Variants in LETMD1 observed in about 807,000 individuals in gnomAD.
LETMD1 encodes LETM1 domain containing 1, also known as LETM1 domain-containing protein 1.
A neutral mutation model predicts 43.9 loss-of-function variants in LETMD1; 30 were observed. That is an observed-to-expected ratio of 0.68 (90% CI 0.51 to 0.93). The LOEUF (loss-of-function observed/expected upper bound fraction) is 0.93. Among genes scored for constraint, LETMD1 ranks in the 40% least tolerant of loss-of-function variants. The probability of loss-of-function intolerance (pLI) is 0.00; values close to 1 mark genes in which losing one functional copy is unlikely to be tolerated. For synonymous variants in LETMD1, 176 were observed against 163.1 expected (o/e 1.08, Z -0.60); for missense variants, 413 against 447.7 (o/e 0.92, Z 0.70).
At chr12:51,067,630 G>C in the LETMD1 span, 2 of 1,581,866 alleles carry the variant, frequency 1.3e-6, no homozygotes, top group Non-Finnish European at 1.7e-6. This position sits in a 1 kb window ranked among gnomAD's most constrained non-coding sequence, Gnocchi z 4.1. Flanking sequence ...TCACCCCGCT[G>C]ACCCTGGTGT....
chr12:51,063,798 T>C, downstream of LETMD1: 1 of 1,600,700 alleles, frequency 6.2e-7, no homozygotes, highest in Non-Finnish European at 8.5e-7. Flanking sequence ...CCGATCCTCA[T>C]TCTGCTGGGA....
the LETMD1 span, among the ~76,000 whole-genome samples, chr12:51,065,615 G>A: frequency 6.6e-5 from 10 of 151,882 alleles, no homozygotes; most frequent in South Asian, 2.1e-4. Context: ...GAGCCACCGC[G>A]CCCGGCCCTA....
In LETMD1 at chr12:51,055,974, A is replaced by T. The variant is rs754414067; in HGVS notation, c.613A>T (p.Ile205Phe). The change falls in exon 5 of 9, where the codon ATT becomes TTT. Residue 205 changes from isoleucine to phenylalanine, a missense_variant. Transcript: ENST00000262055. ...ISYLEKVIPL[I>F]SDAGLRWRLT... ...TTATTTAGAAAAGGTCATCCCTCTC[A>T]TTTCTGATGCAGGACTCCGGTGGCG... The T allele has an allele frequency of 2.5e-6, 4 of 1,614,136 alleles. No homozygotes were observed. In the Admixed American group the frequency reaches 6.7e-5, roughly 27 times the overall value.
chr12:51,064,451 C>G (rs374177983), downstream of LETMD1: 1 of 1,610,306 alleles, frequency 6.2e-7, no homozygotes, highest in Non-Finnish European at 8.5e-7. Context: ...AGTCCTGGGT[C>G]TCAGAGCCCT....
intron 4 of LETMD1, among the ~76,000 whole-genome samples, chr12:51,055,210 C>T (rs190223092): frequency 3.3e-5 from 5 of 152,290 alleles, no homozygotes; most frequent in African/African-American, 1.2e-4. Flanking sequence ...CTGCAACTCT[C>T]TCCAAAGCAT....
chr12:51,052,076 T>A lies in LETMD1; in HGVS notation c.275-16T>A. On this transcript the variant is annotated splice_polypyrimidine_tract_variant and intron_variant, in intron 2 of 8. Transcript: ENST00000262055. ...TGGGATAACATCACACTCTGTCCTC[T>A]ACTTTAATGAGGCAGGATTGCAGAT... The A allele has an allele frequency of 6.2e-7, 1 of 1,611,174 alleles. No homozygotes were observed. The highest frequency in any genetic ancestry group is 8.5e-7 in the Non-Finnish European group (1 of 1,178,284).
At chr12:51,064,263 C>A (rs768203184), downstream of LETMD1, 2 of 1,612,820 alleles carry the variant, frequency 1.2e-6, no homozygotes, top group East Asian at 4.5e-5. Flanking sequence ...AAGGCCTGGG[C>A]ACAGCTCTTC....
At chr12:51,053,736 C>A in intron 3 of LETMD1, 42 bp from the exon 4 acceptor site, 2 of 1,385,018 alleles carry the variant, frequency 1.4e-6, no homozygotes, top group South Asian at 2.4e-5. Context: ...GTATTAACAA[C>A]TTATTTGGGT....
chr12:51,054,809 A>G (rs546816594), intron 4 of LETMD1, among the ~76,000 whole-genome samples: 53 of 152,326 alleles, frequency 3.5e-4, no homozygotes, highest in Middle Eastern at 6.8e-3. Flanking sequence ...TAAATTAAAA[A>G]ACAAATCGTG....
chr12:51,052,124 G>C lies in LETMD1; in HGVS notation c.307G>C (p.Ala103Pro). The change falls in exon 3 of 9, where the codon GCT becomes CCT. Residue 103 changes from alanine to proline, a missense_variant. Ala to Pro is a conservative substitution (Grantham distance 27). Transcript: ENST00000262055. ...GATGTTATGGGCTGATGCCAAAAAG[G>C]CTAGAAGAATAAAGACAAATATGTG... ...LQMLWADAKK[A>P]RRIKTNMWKH... The C allele has an allele frequency of 1.9e-6, 3 of 1,614,060 alleles. No individual in the cohort carries two copies. Among genetic ancestry groups the C allele is most frequent in the Non-Finnish European group, 2.5e-6 (3 of 1,179,956 alleles).
downstream of LETMD1, chr12:51,064,369 T>C: frequency 6.2e-7 from 1 of 1,614,224 alleles, no homozygotes; most frequent in Admixed American, 1.7e-5. Context: ...TCTTCTGCCT[T>C]GAGCCGCTCC....
intron 1 of LETMD1, 33 bp from the exon 2 acceptor site, chr12:51,049,001 A>T (rs779937796): frequency 6.2e-7 from 1 of 1,601,976 alleles, no homozygotes; most frequent in East Asian, 2.2e-5. Flanking sequence ...TCTAGGACTG[A>T]TTCCCAGATA....
At chr12:51,064,804 T>A (rs570538006), downstream of LETMD1, 44 of 617,704 alleles carry the variant, frequency 7.1e-5, no homozygotes, top group Non-Finnish European at 1.2e-4. Flanking sequence ...ATTCAAAGCA[T>A]AGCATGCAGT....
At chr12:51,049,812 A>G (rs576525350) in intron 2 of LETMD1, among the ~76,000 whole-genome samples, 6 of 152,328 alleles carry the variant, frequency 3.9e-5, no homozygotes, top group East Asian at 3.9e-4. Context: ...GAACCTACCT[A>G]TTTATCACAT....
downstream of LETMD1, chr12:51,064,054 A>C: frequency 6.2e-7 from 1 of 1,614,224 alleles, no homozygotes; most frequent in Non-Finnish European, 8.5e-7. Flanking sequence ...TTTGGGAAAG[A>C]GGCTGAGCCT....
chr12:51,059,399 C>G lies in LETMD1; in HGVS notation c.1051C>G (p.Leu351Val). The change falls in exon 9 of 9, where the codon CTC becomes GTC. Residue 351 changes from leucine to valine, a missense_variant. Coordinates refer to ENST00000262055, the MANE Select transcript of LETMD1 (RefSeq NM_015416.5). ...LSLLLHNVVL[L>V]STNYLGTRR ...TCTCTTGCTGCACAACGTGGTCCTG[C>G]TCTCCACCAACTACCTTGGGACAAG... The G allele has an allele frequency of 6.2e-7, 1 of 1,614,236 alleles. No individual in the cohort carries two copies. Among genetic ancestry groups the G allele is most frequent in the Non-Finnish European group, 8.5e-7 (1 of 1,180,036 alleles).
Position 51,059,597 on chromosome 12 carries a change from G to A in LETMD1, c.*166G>A. ...GCATGGCACACATGTGGGAACTGCA[G>A]ACATTCCTCTCACAGCTAGAACTGA... On this transcript the variant is annotated 3_prime_UTR_variant, in exon 9 of 9. Transcript: ENST00000262055. 1.5e-6 allele frequency: 1 copy of A among 653,234 alleles called. No homozygotes were observed. Among genetic ancestry groups the A allele is most frequent in the Non-Finnish European group, 2.8e-6 (1 of 357,502 alleles). 40.5% of individuals were successfully genotyped at this position (653,234 alleles called of 1,614,324 possible).
chr12:51,057,305 C>T (rs918162500), intron 7 of LETMD1, among the ~76,000 whole-genome samples: 20 of 152,064 alleles, frequency 1.3e-4, no homozygotes, highest in African/African-American at 4.8e-4. Flanking sequence ...CTATGTTGCC[C>T]AGGCTGGTCT....
chr12:51,061,262 T>C (rs999973258), downstream of LETMD1: 3 of 152,550 alleles, frequency 2.0e-5, no homozygotes, highest in Non-Finnish European at 2.9e-5. Flanking sequence ...TACAGCATTA[T>C]CACAATGTAA....
Sources: gnomAD v4.1 joint callset for allele counts (sites outside exome capture counted in the v4.1 genomes callset) on GRCh38, gnomAD v4.1.1 for gene constraint, Gnocchi (gnomAD v3.1) non-coding constraint, MANE v1.5 for transcripts, NCBI Gene and HGNC (gene_info 2026-07-23, HGNC 2026-07-21) for gene names.